Variants in P2RX5 observed in about 807,000 individuals in gnomAD.
P2RX5 encodes the protein purinergic receptor P2X 5.
Under a neutral mutation model 54.1 loss-of-function variants are expected in P2RX5, and 46 were observed. The observed-to-expected ratio is 0.85, with a 90% CI of 0.67 to 1.09. The LOEUF is 1.09. P2RX5 is among the 50% of genes least tolerant of loss of function. P2RX5 has a pLI of 0.00. For synonymous variants in P2RX5, 226 were observed against 226.4 expected, an observed-to-expected ratio of 1.00 and a Z score of 0.02; for missense variants, 566 against 549.8, an observed-to-expected ratio of 1.03 and a Z score of -0.29.
chr17:3,709,305 C>A, the P2RX5 span, among the ~76,000 whole-genome samples: 42 of 152,098 alleles, frequency 2.8e-4, no homozygotes, highest in Non-Finnish European at 4.7e-4. Flanking sequence ...AGCAAGGTTG[C>A]GACAAAGGCA....
At chr17:3,710,192 C>G in the P2RX5 span, among the ~76,000 whole-genome samples, 1 of 151,900 alleles carries the variant, frequency 6.6e-6, no homozygotes, top group Admixed American at 6.6e-5. Flanking sequence ...TTTGGGAAGC[C>G]GAGGTGAGCG....
intron 11 of P2RX5, 66 bp downstream of exon 11, chr17:3,679,524 G>A: frequency 1.4e-6 from 2 of 1,465,656 alleles, no homozygotes; most frequent in East Asian, 2.3e-5. Context: ...GGCATGAGAA[G>A]CCCCAACTGG....
At chr17:3,691,131 G>A in intron 2 of P2RX5, 104 bp from the exon 3 acceptor site, 1 of 811,090 alleles carries the variant, frequency 1.2e-6, no homozygotes, top group East Asian at 2.6e-5. Context: ...CCTGGGTTTT[G>A]GGGATAATGG....
In P2RX5 at chr17:3,690,783, A is replaced by G. The variant is rs2050592828; in HGVS notation, c.361-103T>C. 2.6e-5 allele frequency: 33 copies of G among 1,287,398 alleles called. No homozygotes were observed. In the South Asian group the frequency reaches 3.8e-4, roughly 15 times the overall value. The allele number at this position is 1,287,398 out of a possible 1,614,324, so 79.7% of individuals were successfully genotyped here. On this transcript the variant is annotated intron_variant, in intron 3 of 11. Coordinates refer to ENST00000225328, the MANE Select transcript of P2RX5 (RefSeq NM_002561.4). ...GGGGTTCTTCTTCGGCCTGGCCCAC[A>G]CACACTCTGAGAACCTACTTCTCCC...
upstream of P2RX5, among the ~76,000 whole-genome samples, chr17:3,698,014 T>C (rs1270189781): frequency 6.6e-6 from 1 of 151,970 alleles, no homozygotes; most frequent in Non-Finnish European, 1.5e-5. Flanking sequence ...CTAGACATAT[T>C]ATTGAATGAG....
the P2RX5 span, among the ~76,000 whole-genome samples, chr17:3,710,412 G>A: frequency 6.6e-6 from 1 of 151,922 alleles, no homozygotes; most frequent in Non-Finnish European, 1.5e-5. Context: ...GGGAGAAAGA[G>A]CAAGACTCTA....
At chr17:3,675,450 C>A (rs1339180477) in intron 11 of P2RX5, 1 of 985,328 alleles carries the variant, frequency 1.0e-6, no homozygotes, top group African/African-American at 1.7e-5. Flanking sequence ...ATGACCCCTG[C>A]CTTTTTTGCT....
At chr17:3,723,303 C>G in the P2RX5 span, 9 of 1,610,978 alleles carry the variant, frequency 5.6e-6, no homozygotes, top group Non-Finnish European at 7.6e-6. Flanking sequence ...CAGAGTGATC[C>G]CAGGAGATCT....
chr17:3,684,761 C>A (rs2050387874), intron 9 of P2RX5, among the ~76,000 whole-genome samples: 1 of 151,620 alleles, frequency 6.6e-6, no homozygotes, highest in Non-Finnish European at 1.5e-5. Flanking sequence ...TGTAAGACCA[C>A]AACACAGAAT....
intron 11 of P2RX5, chr17:3,677,956 G>A (rs943102953): frequency 1.5e-5 from 15 of 985,302 alleles, no homozygotes; most frequent in Non-Finnish European, 1.8e-5. Flanking sequence ...GTTCAGGAGA[G>A]ATGGCTGTGC....
chr17:3,692,063 T>A, intron 1 of P2RX5: 2 of 485,592 alleles, frequency 4.1e-6, no homozygotes, highest in South Asian at 2.1e-5. Context: ...GGCTCACGCC[T>A]ATAATCCGAG....
chr17:3,722,363 C>G, the P2RX5 span: 3 of 151,582 alleles, frequency 2.0e-5, no homozygotes, highest in Non-Finnish European at 2.9e-5. Context: ...CGCCTGTAAT[C>G]CCAGCTACTC....
the P2RX5 span, among the ~76,000 whole-genome samples, chr17:3,701,756 T>TTG: frequency 2.4e-4 from 30 of 122,560 alleles, 1 homozygote; most frequent in South Asian, 4.3e-3. Flanking sequence ...GTTTTTTTTT[T>TTG]TTTTGTTTTT....
At chr17:3,720,400 T>A in the P2RX5 span, 4 of 1,422,788 alleles carry the variant, frequency 2.8e-6, no homozygotes, top group Non-Finnish European at 4.0e-6. Flanking sequence ...CATCTTTTAG[T>A]AACTAGAAGA....
At chr17:3,701,696 G>GAAAAAAAAAAAAAAAAAAAA in the P2RX5 span, among the ~76,000 whole-genome samples, 1 of 73,412 alleles carries the variant, frequency 1.4e-5, no homozygotes, top group South Asian at 5.1e-4. Context: ...CTCTGTCTCA[G>GAAAAAAAAAAAAAAAAAAAA]AAAAAAAAAA....
At chr17:3,715,131 C>T in the P2RX5 span, among the ~76,000 whole-genome samples, 1 of 152,212 alleles carries the variant, frequency 6.6e-6, no homozygotes, top group Non-Finnish European at 1.5e-5. Flanking sequence ...GGTGCTCATC[C>T]CTCAATCAGA....
chr17:3,703,635 G>C, the P2RX5 span, among the ~76,000 whole-genome samples: 3 of 152,178 alleles, frequency 2.0e-5, no homozygotes, highest in African/African-American at 7.2e-5. Context: ...CCCAGCAGCA[G>C]CTTGGAGGTG....
At chr17:3,689,924 G>A (rs1378217446) in intron 6 of P2RX5, 146 bp downstream of exon 6, 29 of 852,126 alleles carry the variant, frequency 3.4e-5, no homozygotes, top group Non-Finnish European at 4.8e-5. Context: ...ACACATGCAC[G>A]CGCACACACG....
chr17:3,709,854 A>T, the P2RX5 span, among the ~76,000 whole-genome samples: 1 of 152,230 alleles, frequency 6.6e-6, no homozygotes, highest in Non-Finnish European at 1.5e-5. Flanking sequence ...GTTTGCAGTA[A>T]GCCGAGATCA....
Sources: allele counts gnomAD v4.1 joint callset (sites outside exome capture counted in the v4.1 genomes callset), GRCh38; gene constraint gnomAD v4.1.1; transcripts MANE v1.5; gene names NCBI Gene and HGNC (gene_info 2026-07-23, HGNC 2026-07-21).